The following GALNTL5 variants were observed in gnomAD, a reference collection of about 807,000 sequenced individuals.
The protein encoded by GALNTL5 is inactive polypeptide N-acetylgalactosaminyltransferase-like protein 5.
Under a neutral mutation model 51.0 loss-of-function variants are expected in GALNTL5, and 44 were observed. The observed-to-expected ratio is 0.86, with a 90% CI of 0.68 to 1.11. The LOEUF (loss-of-function observed/expected upper bound fraction) is 1.11, where lower values mean the gene tolerates loss of function less well. Among genes scored for constraint, GALNTL5 ranks in the 50% least tolerant of loss-of-function variants. GALNTL5 has a pLI of 0.00. For missense variants in GALNTL5, 528 were observed against 531.8 expected, an observed-to-expected ratio of 0.99 and a Z score of 0.07; for synonymous variants, 192 against 182.8, an observed-to-expected ratio of 1.05 and a Z score of -0.41.
chr7:151,990,989 A>C (rs1176648455), intron 5 of GALNTL5, among the ~76,000 whole-genome samples: 1 of 152,212 alleles, frequency 6.6e-6, no homozygotes, highest in Admixed American at 6.5e-5. Flanking sequence ...AATAAAAAAC[A>C]AACATATCAA....
chr7:151,969,320 C>T (rs1446320512), intron 2 of GALNTL5, among the ~76,000 whole-genome samples: 1 of 152,134 alleles, frequency 6.6e-6, no homozygotes, highest in African/African-American at 2.4e-5. Context: ...ACATTAAGGC[C>T]ATGATCTATT....
At chr7:152,003,492 T>C (rs2081607836) in intron 6 of GALNTL5, among the ~76,000 whole-genome samples, 1 of 152,196 alleles carries the variant, frequency 6.6e-6, no homozygotes, top group South Asian at 2.1e-4. Context: ...TAAACAGTGA[T>C]AGTAATAATT....
At chr7:152,018,456 T>C (rs1338817367) in intron 8 of GALNTL5, among the ~76,000 whole-genome samples, 4 of 152,230 alleles carry the variant, frequency 2.6e-5, no homozygotes, top group South Asian at 2.1e-4. Flanking sequence ...TTCATGTTTG[T>C]TGATTTTTTT....
rs764112142 is a variant in GALNTL5, at chr7:151,970,903, G to T, written c.248-42G>T. On this transcript the variant is annotated intron_variant, in intron 2 of 8. Coordinates refer to ENST00000392800, the MANE Select transcript of GALNTL5 (RefSeq NM_145292.4). ...TCTTTCCTTTCCTGCATCACTGCTA[G>T]TAAGCCTTTACTTATATGATTCTAA... 8 of 1,522,996 alleles carry T rather than the reference G, an allele frequency of 5.3e-6. No homozygotes were observed. In the East Asian group the frequency reaches 1.6e-4, roughly 31 times the overall value. The allele number at this position is 1,522,996 out of a possible 1,614,324, so 94.3% of individuals were successfully genotyped here. A position where few individuals can be genotyped will look rare whatever the true frequency, so the allele number is the denominator to read the frequency against.
chr7:151,960,941 T>C (rs1031073025), intron 1 of GALNTL5, among the ~76,000 whole-genome samples: 1 of 152,234 alleles, frequency 6.6e-6, no homozygotes, highest in African/African-American at 2.4e-5. Context: ...GGAATTGCTC[T>C]GGATACCAAG....
At chr7:152,009,193 G>C (rs931288203) in intron 7 of GALNTL5, among the ~76,000 whole-genome samples, 2 of 151,968 alleles carry the variant, frequency 1.3e-5, no homozygotes, top group African/African-American at 2.4e-5. Context: ...AAGTAACCTT[G>C]TCTTTCCTGA....
chr7:151,962,432 T>TTC (rs144299624), intron 1 of GALNTL5, among the ~76,000 whole-genome samples: 4 of 129,676 alleles, frequency 3.1e-5, no homozygotes, highest in South Asian at 2.4e-4. Context: ...TGTGATTTTT[T>TTC]TTTCTTTTTT....
rs1211595881 is a variant in GALNTL5 at position 151,962,689 on chromosome 7, A to G, written c.-39-4519A>G. On this transcript the variant is annotated intron_variant, in intron 1 of 8. Coordinates refer to ENST00000392800, the MANE Select transcript of GALNTL5 (RefSeq NM_145292.4). ...AGTGGCATGATCTCAGCTCACTGCA[A>G]CCTCCACCTCCCGGGTTCACACAAT... Among the ~76,000 whole-genome samples, 8 of 151,042 alleles carry G rather than the reference A, an allele frequency of 5.3e-5. No homozygotes were observed. In the East Asian group the frequency reaches 1.6e-3, roughly 29 times the overall value.
chr7:151,973,895 TA>T (rs1185817168), intron 3 of GALNTL5, among the ~76,000 whole-genome samples: 3 of 151,892 alleles, frequency 2.0e-5, no homozygotes, highest in East Asian at 1.9e-4. Flanking sequence ...ATCATGGGAG[TA>T]GTTTCCCCCA....
rs1271201636 is a variant in GALNTL5 at position 151,967,277 on chromosome 7, T to C, written c.31T>C (p.Tyr11His). Reference protein sequence around the residue: MRNAIIQGLFYGSLTFGIWTA... With the variant: MRNAIIQGLFHGSLTFGIWTA... ...AAATGCCATAATTCAAGGTTTATTC[T>C]ATGGGTCCTTGACATTTGGGATCTG... The change falls in exon 2 of 9, where the codon TAT (tyrosine) becomes CAT (histidine). Residue 11 changes from tyrosine (Y) to histidine (H), a missense_variant. Tyr to His is a moderately conservative substitution (Grantham distance 83). Transcript: ENST00000392800. 1 of 1,613,636 alleles carries C rather than the reference T, an allele frequency of 6.2e-7. No individual in the cohort carries two copies. The highest frequency in any genetic ancestry group is 8.5e-7 in the Non-Finnish European group (1 of 1,179,600).
chr7:152,005,449 C>A (rs572750688), intron 6 of GALNTL5, among the ~76,000 whole-genome samples: 1 of 152,126 alleles, frequency 6.6e-6, no homozygotes, highest in Admixed American at 6.6e-5. Context: ...ACCAAATGGA[C>A]GGAACTGCAG....
chr7:151,974,939 C>A (rs2081189256), intron 3 of GALNTL5, among the ~76,000 whole-genome samples: 1 of 152,136 alleles, frequency 6.6e-6, no homozygotes, highest in Admixed American at 6.5e-5. Context: ...AAAGAGCCCA[C>A]TACTATGTTT....
At chr7:152,014,601 A>G (rs1292186021) in intron 7 of GALNTL5, 43 bp from the exon 8 acceptor site, 1 of 1,554,006 alleles carries the variant, frequency 6.4e-7, no homozygotes, top group African/African-American at 1.4e-5. Flanking sequence ...GCCTGTTAGC[A>G]GTAATAATGC....
At chr7:152,002,476 C>T (rs1476052744) in intron 5 of GALNTL5, among the ~76,000 whole-genome samples, 1 of 152,120 alleles carries the variant, frequency 6.6e-6, no homozygotes, top group Non-Finnish European at 1.5e-5. Context: ...AGAATTCTCC[C>T]CAAAACCACT....
chr7:151,986,277 G>C (rs7793790), intron 4 of GALNTL5, among the ~76,000 whole-genome samples: 149,508 of 152,292 alleles, frequency 0.98, 73,451 homozygotes, highest in East Asian at 1. Context: ...ATAATGCATG[G>C]TTTTTCTATT....
At position 151,986,272 on chromosome 7, in the gene GALNTL5, G is replaced by C. The variant is rs542242736; in HGVS notation, c.536-887G>C. 2.0e-5 allele frequency among the ~76,000 whole-genome samples: 3 copies of C among 152,212 alleles called. No individual in the cohort carries two copies. In the South Asian group the frequency reaches 6.2e-4, roughly 32 times the overall value. On this transcript the variant is annotated intron_variant, in intron 4 of 8. Coordinates refer to ENST00000392800, the MANE Select transcript of GALNTL5 (RefSeq NM_145292.4). Reference sequence around the variant, plus strand: ...CCAGATTGCGCCAAAGCTCTATAATGCATGGTTTTTCTATTAAAATGTTAA... The same window carrying C: ...CCAGATTGCGCCAAAGCTCTATAATCCATGGTTTTTCTATTAAAATGTTAA...
In GALNTL5 at chr7:152,019,753, T is replaced by C. The variant is rs978560240; in HGVS notation, c.1284T>C (p.Tyr428=). 2.1e-5 allele frequency: 34 copies of C among 1,613,856 alleles called. No homozygotes were observed. Among genetic ancestry groups the C allele is most frequent in the Non-Finnish European group, 2.6e-5 (31 of 1,179,898 alleles). Reference sequence around the variant, plus strand: ...TGGGTTGCAAGTCATTTCAGTGGTATTTGGATAATGTCTTCCCAGAGTTGG... The same window carrying C: ...TGGGTTGCAAGTCATTTCAGTGGTACTTGGATAATGTCTTCCCAGAGTTGG... ...KRLGCKSFQW[Y]LDNVFPELEA... Residue 428 remains tyrosine, a synonymous_variant, in exon 9 of 9, where the codon TAT becomes TAC. Transcript: ENST00000392800.
In GALNTL5 at chr7:151,977,672, G is replaced by A. The variant is rs1245651192; in HGVS notation, c.369-5314G>A. Among the ~76,000 whole-genome samples the A allele has an allele frequency of 2.0e-5, 3 of 152,112 alleles. No homozygotes were observed. In the East Asian group the frequency reaches 5.8e-4, roughly 29 times the overall value. ...GGATAATATGATAATCACCTATTAT[G>A]TTGAAATAGCACTTGCTTGGTAATT... On this transcript the variant is annotated intron_variant, in intron 3 of 8. Coordinates refer to ENST00000392800, the MANE Select transcript of GALNTL5 (RefSeq NM_145292.4).
intron 5 of GALNTL5, among the ~76,000 whole-genome samples, chr7:152,000,668 C>T (rs536333412): frequency 2.0e-5 from 3 of 152,290 alleles, no homozygotes; most frequent in African/African-American, 7.2e-5. Flanking sequence ...TTTCTGATGA[C>T]TAATGGTGTT....
Sources: allele counts gnomAD v4.1 joint callset (sites outside exome capture counted in the v4.1 genomes callset), GRCh38; gene constraint gnomAD v4.1.1; transcripts MANE v1.5; gene names NCBI Gene and HGNC (gene_info 2026-07-23, HGNC 2026-07-21).